The following STT3A variants were observed in gnomAD, a reference collection of about 807,000 sequenced individuals.
The protein encoded by STT3A is dolichyl-diphosphooligosaccharide--protein glycosyltransferase subunit STT3A.
STT3A carries 34 observed loss-of-function variants against 89.2 expected under a neutral mutation model. The observed-to-expected ratio is 0.38, with a 90% confidence interval of 0.29 to 0.51. The LOEUF (loss-of-function observed/expected upper bound fraction) is 0.51. Among genes scored for constraint, STT3A ranks in the 20% least tolerant of loss-of-function variants. The pLI, the probability that STT3A is intolerant of heterozygous loss-of-function variation, is 0.89. For synonymous variants in STT3A, 282 were observed against 310.3 expected (o/e 0.91, Z 0.96); for missense variants, 555 against 889.5 (o/e 0.62, Z 4.78).
chr11:125,620,870 A>ATTTTTTTTTTTTTTTTTT lies in STT3A; in HGVS notation c.*64_*81dup, dbSNP rs569634802. ...GCACATCACATTTAGGACGTTGAAG[A>ATTTTTTTTTTTTTTTTTT]TTTTTTTTTTTTTTTTTTTTTAATA... is the stretch of plus-strand genomic sequence containing the variant. On this transcript the variant is annotated 3_prime_UTR_variant, in exon 18 of 18. Coordinates refer to ENST00000392708, the MANE Select transcript of STT3A (RefSeq NM_152713.5). 2.4e-6 allele frequency: 2 copies of ATTTTTTTTTTTTTTTTTT among 832,140 alleles called. No individual in the cohort carries two copies. The highest frequency in any genetic ancestry group is 1.7e-6 in the Non-Finnish European group (1 of 590,516). The allele number at this position is 832,140 out of a possible 1,614,324, so 51.5% of individuals were successfully genotyped here.
intron 17 of STT3A, 25 bp downstream of exon 17, chr11:125,620,151 A>G: frequency 1.3e-6 from 2 of 1,580,202 alleles, no homozygotes; most frequent in Non-Finnish European, 1.7e-6. Context: ...TACGTCTCAG[A>G]AAGCAACTTT....
chr11:125,604,588 A>G (rs1341960060), intron 6 of STT3A, among the ~76,000 whole-genome samples: 1 of 152,220 alleles, frequency 6.6e-6, no homozygotes, highest in Non-Finnish European at 1.5e-5. Context: ...TTCAACATAC[A>G]TTTGTTGAAT....
chr11:125,612,520 A>G, intron 11 of STT3A, 72 bp from the exon 12 acceptor site: 3 of 1,513,680 alleles, frequency 2.0e-6, no homozygotes, highest in Middle Eastern at 1.8e-4. Context: ...TGATGTCTTG[A>G]TCTACTAATA....
chr11:125,609,047 T>G (rs1290837861), intron 9 of STT3A, among the ~76,000 whole-genome samples: 1 of 152,234 alleles, frequency 6.6e-6, no homozygotes, highest in African/African-American at 2.4e-5. Context: ...CTACTTTGCT[T>G]TCTCAGAGAT....
intron 6 of STT3A, 65 bp downstream of exon 6, chr11:125,604,312 G>A: frequency 6.6e-7 from 1 of 1,516,164 alleles, no homozygotes; most frequent in Non-Finnish European, 9.1e-7. Flanking sequence ...TTCACAAAGT[G>A]CAGTCTATGG....
chr11:125,612,820 G>C, intron 12 of STT3A, 73 bp downstream of exon 12: 1 of 1,566,386 alleles, frequency 6.4e-7, no homozygotes, highest in Non-Finnish European at 8.7e-7. Context: ...TGGGCAGCGG[G>C]GGGTGGGAGG....
intron 15 of STT3A, among the ~76,000 whole-genome samples, chr11:125,615,171 G>A (rs1940140258): frequency 6.6e-6 from 1 of 152,212 alleles, no homozygotes; most frequent in East Asian, 1.9e-4. Context: ...GGAGGCTGAG[G>A]CAGGAGAATC....
chr11:125,602,200 T>C (rs934895683), intron 3 of STT3A, 103 bp from the exon 4 acceptor site: 1 of 1,345,870 alleles, frequency 7.4e-7, no homozygotes, highest in East Asian at 2.4e-5. Flanking sequence ...TAATATCTGA[T>C]GTTAAACTGA....
intron 15 of STT3A, among the ~76,000 whole-genome samples, chr11:125,617,229 G>C (rs1420270461): frequency 1.3e-5 from 2 of 152,162 alleles, no homozygotes; most frequent in Non-Finnish European, 2.9e-5. Context: ...TTTACCATGT[G>C]ACAAACAACT....
At position 125,612,633 on chromosome 11, in the gene STT3A, C is replaced by T. The variant is rs771330269; in HGVS notation, c.1251C>T (p.Leu417=). The T allele has an allele frequency of 1.2e-6, 2 of 1,614,158 alleles. No individual in the cohort carries two copies. Among genetic ancestry groups the T allele is most frequent in the South Asian group, 1.1e-5 (1 of 91,060 alleles). ...MLVLAPVMCI[L]SGIGVSQVLS... Reference sequence around the variant, plus strand: ...TGTTGGCACCTGTTATGTGCATTCTCTCTGGCATTGGAGTCTCCCAGGTGC... The same window carrying T: ...TGTTGGCACCTGTTATGTGCATTCTTTCTGGCATTGGAGTCTCCCAGGTGC... Residue 417 remains leucine, a synonymous_variant, in exon 12 of 18, where the codon CTC becomes CTT. Transcript: ENST00000392708.
At chr11:125,609,346 C>T (rs1939931958) in intron 9 of STT3A, 88 bp from the exon 10 acceptor site, 1 of 1,459,806 alleles carries the variant, frequency 6.9e-7, no homozygotes, top group Non-Finnish European at 9.1e-7. Flanking sequence ...CACTGAGAAT[C>T]TTATTAAAAT....
intron 3 of STT3A, among the ~76,000 whole-genome samples, chr11:125,597,421 C>CAAAAA (rs58836204): frequency 7.8e-6 from 1 of 128,348 alleles, no homozygotes; most frequent in Non-Finnish European, 1.6e-5. Context: ...CCCATCTCTA[C>CAAAAA]AAAAAAAAAA....
rs1353022391 is a variant in STT3A at position 125,599,230 on chromosome 11, C to T, written c.149+2111C>T. ...CTGTTTCTGACAGTCACCAAAATAA[C>T]ATCAGTGACAAACAGAAGGATAGAG... On this transcript the variant is annotated intron_variant, in intron 3 of 17. Transcript: ENST00000392708. 3.9e-5 allele frequency among the ~76,000 whole-genome samples: 6 copies of T among 152,318 alleles called. No individual in the cohort carries two copies. In the South Asian group the frequency reaches 1.0e-3, roughly 26 times the overall value.
chr11:125,620,870 A>G lies in STT3A; in HGVS notation c.*60A>G, dbSNP rs74957637. On this transcript the variant is annotated 3_prime_UTR_variant, in exon 18 of 18. Transcript: ENST00000392708. ...GCACATCACATTTAGGACGTTGAAG[A>G]TTTTTTTTTTTTTTTTTTTTTAATA... 1.1e-6 allele frequency: 1 copy of G among 892,552 alleles called. No individual in the cohort carries two copies. Among genetic ancestry groups the G allele is most frequent in the Non-Finnish European group, 1.6e-6 (1 of 633,256 alleles). 55.3% of individuals were successfully genotyped at this position (892,552 alleles called of 1,614,324 possible).
intron 15 of STT3A, among the ~76,000 whole-genome samples, chr11:125,617,241 A>G (rs1045850197): frequency 5.6e-4 from 85 of 152,224 alleles, no homozygotes; most frequent in African/African-American, 2.0e-3. Context: ...CAAACAACTT[A>G]CTAAATGCTT....
At chr11:125,607,486 T>C (rs1041150869) in intron 8 of STT3A, among the ~76,000 whole-genome samples, 3 of 152,232 alleles carry the variant, frequency 2.0e-5, no homozygotes, top group Non-Finnish European at 4.4e-5. Flanking sequence ...CTATATCCGA[T>C]AGGCTACAGT....
intron 1 of STT3A, among the ~76,000 whole-genome samples, chr11:125,594,294 A>T (rs1479586440): frequency 6.6e-6 from 1 of 152,166 alleles, no homozygotes; most frequent in Non-Finnish European, 1.5e-5. Flanking sequence ...TAATTTAAAA[A>T]AGTAGGTCTG....
rs1460575663 is a variant in STT3A, at chr11:125,602,325, A to C, written c.172A>C (p.Arg58=). Residue 58 remains arginine, a synonymous_variant, in exon 4 of 18, where the codon AGG becomes CGG. Coordinates refer to ENST00000392708, the MANE Select transcript of STT3A (RefSeq NM_152713.5). ...FDPYFNYRTT[R]FLAEEGFYKF... Reference sequence around the variant, plus strand: ...TAGGTACTTTAATTATCGGACTACCAGGTTCCTGGCTGAGGAGGGGTTTTA... The same window carrying C: ...TAGGTACTTTAATTATCGGACTACCCGGTTCCTGGCTGAGGAGGGGTTTTA... 1 of 1,613,542 alleles carries C rather than the reference A, an allele frequency of 6.2e-7. No homozygotes were observed. The highest frequency in any genetic ancestry group is 1.3e-5 in the African/African-American group (1 of 74,850).
At chr11:125,609,187 T>G (rs1939926187) in intron 9 of STT3A, among the ~76,000 whole-genome samples, 1 of 152,258 alleles carries the variant, frequency 6.6e-6, no homozygotes, top group Admixed American at 6.5e-5. Flanking sequence ...GTAGCATTTC[T>G]GCCTCTGTTC....
Sources: gnomAD v4.1 joint callset for allele counts (sites outside exome capture counted in the v4.1 genomes callset) on GRCh38, gnomAD v4.1.1 for gene constraint, MANE v1.5 for transcripts, NCBI Gene and HGNC (gene_info 2026-07-23, HGNC 2026-07-21) for gene names.